Variants in ASIC5 observed in about 807,000 individuals in gnomAD.
ASIC5 encodes the protein acid sensing ion channel subunit family member 5.
In ASIC5, 52 loss-of-function variants were observed where a neutral mutation model predicts 51.2. That is an observed-to-expected ratio of 1.02 (90% CI 0.81 to 1.28). The LOEUF is 1.28. Among genes scored for constraint, ASIC5 ranks in the 50% most tolerant of loss-of-function variants. ASIC5 has a pLI of 0.00. For missense variants in ASIC5, 635 were observed against 595.0 expected, an observed-to-expected ratio of 1.07 and a Z score of -0.70; for synonymous variants, 231 against 200.7, an observed-to-expected ratio of 1.15 and a Z score of -1.28.
chr4:155,838,250 C>T (rs973009932), intron 7 of ASIC5, among the ~76,000 whole-genome samples: 1 of 152,062 alleles, frequency 6.6e-6, no homozygotes, highest in South Asian at 2.1e-4. Context: ...GAGAAAGTTA[C>T]AGTAGGATAT....
chr4:155,858,069 G>A (rs936963083), intron 2 of ASIC5, among the ~76,000 whole-genome samples: 3 of 152,018 alleles, frequency 2.0e-5, no homozygotes, highest in Non-Finnish European at 1.5e-5. Flanking sequence ...TGATTTTAGT[G>A]GAAGAAAATA....
At chr4:155,850,726 G>T (rs1741362289) in intron 4 of ASIC5, among the ~76,000 whole-genome samples, 1 of 151,688 alleles carries the variant, frequency 6.6e-6, no homozygotes, top group African/African-American at 2.4e-5. Context: ...AAATCATTTG[G>T]CCCTCTTCAT....
At chr4:155,835,526 A>G (rs1463814743) in intron 8 of ASIC5, among the ~76,000 whole-genome samples, 2 of 152,064 alleles carry the variant, frequency 1.3e-5, no homozygotes, top group Non-Finnish European at 2.9e-5. Flanking sequence ...CTTTCTCTGT[A>G]TATTAAGTAA....
chr4:155,845,916 T>C (rs1030393939), intron 4 of ASIC5, among the ~76,000 whole-genome samples: 1 of 152,020 alleles, frequency 6.6e-6, no homozygotes, highest in Non-Finnish European at 1.5e-5. Flanking sequence ...AGAATCTGAA[T>C]GTCTAAGATA....
At chr4:155,866,088 T>A (rs2110787289) in intron 1 of ASIC5, 99 bp downstream of exon 1, 2 of 706,580 alleles carry the variant, frequency 2.8e-6, no homozygotes, top group East Asian at 5.4e-5. Context: ...ACATTGGAAA[T>A]CAAATTTCCC....
chr4:155,831,944 C>G (rs759743281), intron 8 of ASIC5, 29 bp from the exon 9 acceptor site: 3 of 1,183,054 alleles, frequency 2.5e-6, no homozygotes, highest in Non-Finnish European at 3.7e-6. Context: ...GTTAATATAG[C>G]TTAAGATTGT....
Position 155,855,806 on chromosome 4 carries a change from ATGGCTGC to A in ASIC5, c.348-1499_348-1493del, listed in dbSNP as rs145041750. On this transcript the variant is annotated intron_variant, in intron 2 of 9. Transcript: ENST00000537611. Reference sequence around the variant, plus strand: ...AAGACATTTTTTGACATATTTTGAAATGGCTGCTGCAGGGTCAGCTAACGGAAGTGGC... The same window carrying A: ...AAGACATTTTTTGACATATTTTGAAATGCAGGGTCAGCTAACGGAAGTGGC... Among the ~76,000 whole-genome samples, 348 of 151,886 alleles carry A rather than the reference ATGGCTGC, an allele frequency of 2.3e-3. 1 individual carries two copies. Among genetic ancestry groups the A allele is most frequent in the African/African-American group, 7.6e-3 (315 of 41,514 alleles).
chr4:155,864,891 A>G (rs1349200889), intron 1 of ASIC5: 3 of 152,122 alleles, frequency 2.0e-5, no homozygotes, highest in Non-Finnish European at 4.4e-5. Flanking sequence ...GGCTTTATAT[A>G]TGTTCATAAT....
chr4:155,852,552 T>A (rs185379742), intron 3 of ASIC5, among the ~76,000 whole-genome samples: 1 of 152,056 alleles, frequency 6.6e-6, no homozygotes, highest in African/African-American at 2.4e-5. Flanking sequence ...ATTAAGCATG[T>A]ATTTAAAACA....
At chr4:155,856,516 C>T (rs1442241167) in intron 2 of ASIC5, among the ~76,000 whole-genome samples, 1 of 152,110 alleles carries the variant, frequency 6.6e-6, no homozygotes, top group Admixed American at 6.6e-5. Flanking sequence ...AGCCCAGGTC[C>T]TAAAACTCTG....
chr4:155,861,269 T>C (rs980942581), intron 2 of ASIC5, among the ~76,000 whole-genome samples: 15 of 151,990 alleles, frequency 9.9e-5, no homozygotes, highest in Non-Finnish European at 2.1e-4. Context: ...CAAAGTCTAG[T>C]AGGTTTATAA....
chr4:155,856,675 G>A (rs1298744184), intron 2 of ASIC5, among the ~76,000 whole-genome samples: 1 of 151,992 alleles, frequency 6.6e-6, no homozygotes, highest in Non-Finnish European at 1.5e-5. Flanking sequence ...GTTTACATCA[G>A]GAACAGATTT....
At chr4:155,862,792 C>A (rs1346905163) in intron 2 of ASIC5, among the ~76,000 whole-genome samples, 1 of 152,132 alleles carries the variant, frequency 6.6e-6, no homozygotes, top group East Asian at 1.9e-4. Flanking sequence ...ATATGTACAC[C>A]AGAACATTTT....
rs781696811 is a variant in ASIC5, at chr4:155,863,729, G to A, written c.66C>T (p.Cys22=). The A allele has an allele frequency of 1.9e-6, 3 of 1,613,166 alleles. No individual in the cohort carries two copies. Among genetic ancestry groups the A allele is most frequent in the Admixed American group, 1.7e-5 (1 of 59,934 alleles). The part of the protein sequence containing the change: ...ENGLLEKIKL[C]LSKKPLPSPT... The stretch of plus-strand genomic sequence containing the variant: ...GAGATGGCAGTGGTTTCTTTGAAAG[G>A]CAAAGCTTTATCTTTTCTAAGAGTC... Residue 22 remains cysteine, a synonymous_variant, in exon 2 of 10, where the codon TGC becomes TGT. Transcript: ENST00000537611.
intron 6 of ASIC5, among the ~76,000 whole-genome samples, chr4:155,839,360 CACACACA>C: frequency 1.3e-5 from 2 of 151,052 alleles, no homozygotes; most frequent in South Asian, 2.1e-4. Context: ...CACACACACA[CACACACA>C]CACACACACA....
At chr4:155,842,954 C>A (rs1211878487) in intron 5 of ASIC5, among the ~76,000 whole-genome samples, 3 of 152,154 alleles carry the variant, frequency 2.0e-5, no homozygotes, top group Non-Finnish European at 4.4e-5. Context: ...CACACAGGAA[C>A]ATGAGAGGCC....
At chr4:155,847,609 C>A (rs1480196984) in intron 4 of ASIC5, among the ~76,000 whole-genome samples, 1 of 152,020 alleles carries the variant, frequency 6.6e-6, no homozygotes, top group Admixed American at 6.6e-5. Flanking sequence ...GTAGTCCCAG[C>A]TACCTGGGAG....
intron 2 of ASIC5, among the ~76,000 whole-genome samples, chr4:155,856,083 T>A (rs1401707871): frequency 4.6e-5 from 7 of 152,132 alleles, no homozygotes; most frequent in Non-Finnish European, 1.0e-4. Flanking sequence ...TAACCTGTCT[T>A]GGTGTTAAAA....
chr4:155,844,925 C>G (rs1419969475), intron 4 of ASIC5, among the ~76,000 whole-genome samples: 3 of 152,028 alleles, frequency 2.0e-5, no homozygotes, highest in African/African-American at 7.2e-5. Context: ...TGCCAGGTAG[C>G]TGCAACACAG....
Sources: gnomAD v4.1 joint callset for allele counts (sites outside exome capture counted in the v4.1 genomes callset) on GRCh38, gnomAD v4.1.1 for gene constraint, MANE v1.5 for transcripts, NCBI Gene and HGNC (gene_info 2026-07-23, HGNC 2026-07-21) for gene names.